PDE4B: variants seen among roughly 807,000 people sequenced by gnomAD.
PDE4B encodes phosphodiesterase 4B.
In PDE4B, 20 loss-of-function variants were observed where a neutral mutation model predicts 82.2. That is an observed-to-expected ratio of 0.24 (90% CI 0.17 to 0.35). The LOEUF is 0.35. Ranked by LOEUF, PDE4B falls within the 10% of genes least tolerant of loss-of-function variation. PDE4B has a pLI of 1.00. For synonymous variants in PDE4B, 320 were observed against 318.9 expected (o/e 1.00, Z -0.04); for missense variants, 655 against 907.2 (o/e 0.72, Z 3.57).
intron 3 of PDE4B, among the ~76,000 whole-genome samples, chr1:66,207,372 C>G (rs532864403): frequency 6.6e-6 from 1 of 152,044 alleles, no homozygotes; most frequent in Admixed American, 6.6e-5. Context: ...AACTGAACCC[C>G]AATTATTTAC....
intron 7 of PDE4B, among the ~76,000 whole-genome samples, chr1:66,301,490 G>A (rs1221974253): frequency 1.3e-5 from 2 of 151,886 alleles, no homozygotes; most frequent in African/African-American, 4.8e-5. Context: ...TTAATGACTT[G>A]CCAGGACCCT....
intron 3 of PDE4B, among the ~76,000 whole-genome samples, chr1:65,970,575 C>T (rs1458652873): frequency 1.3e-5 from 2 of 152,018 alleles, no homozygotes; most frequent in Admixed American, 6.6e-5. Flanking sequence ...GGAGTTCACA[C>T]TCAACTGGGG....
At chr1:65,819,176 A>T (rs2101232722) in intron 1 of PDE4B, among the ~76,000 whole-genome samples, 1 of 152,338 alleles carries the variant, frequency 6.6e-6, no homozygotes, top group Admixed American at 6.5e-5. Flanking sequence ...CCTGTCCTAA[A>T]TACAACAGGA....
intron 3 of PDE4B, among the ~76,000 whole-genome samples, chr1:66,183,996 G>C (rs1647127603): frequency 6.6e-6 from 1 of 152,110 alleles, no homozygotes; most frequent in African/African-American, 2.4e-5. Flanking sequence ...CGGGAGTCAA[G>C]GGACCTGCGT....
At chr1:66,217,499 C>CTCTT (rs1483736321) in intron 3 of PDE4B, among the ~76,000 whole-genome samples, 4 of 152,100 alleles carry the variant, frequency 2.6e-5, no homozygotes, top group Non-Finnish European at 5.9e-5. Flanking sequence ...GCCTGTCTGT[C>CTCTT]TCTTTTTGAT....
intron 1 of PDE4B, among the ~76,000 whole-genome samples, chr1:65,860,654 C>T (rs1024423483): frequency 2.0e-5 from 3 of 152,130 alleles, no homozygotes; most frequent in African/African-American, 7.2e-5. Flanking sequence ...CTAATTTACA[C>T]TCCCTCCAAC....
intron 3 of PDE4B, among the ~76,000 whole-genome samples, chr1:66,228,849 G>A (rs879218753): frequency 3.3e-5 from 5 of 150,052 alleles, no homozygotes; most frequent in Admixed American, 1.4e-4. Flanking sequence ...CAGAAAAAAC[G>A]AGGAAAGGGT....
chr1:66,248,001 G>T (rs528837036), intron 4 of PDE4B, among the ~76,000 whole-genome samples: 2 of 152,194 alleles, frequency 1.3e-5, no homozygotes, highest in Non-Finnish European at 2.9e-5. Context: ...AATTTCAGCT[G>T]TGTGTGCAGT....
At chr1:66,139,320 T>C (rs1646121335) in intron 3 of PDE4B, among the ~76,000 whole-genome samples, 3 of 152,238 alleles carry the variant, frequency 2.0e-5, no homozygotes, top group Non-Finnish European at 4.4e-5. Flanking sequence ...CTGAGGTCCC[T>C]GTTTTCTTGC....
At chr1:66,052,378 T>C (rs1446542910) in intron 3 of PDE4B, among the ~76,000 whole-genome samples, 1 of 152,080 alleles carries the variant, frequency 6.6e-6, no homozygotes, top group African/African-American at 2.4e-5. Flanking sequence ...CTAAGGAATT[T>C]TAAGAAAATA....
rs1655578228 is a variant in PDE4B, at chr1:66,061,440, G to A, written c.281+142605G>A. Among the ~76,000 whole-genome samples the A allele has an allele frequency of 1.3e-5, 2 of 151,742 alleles. 1 individual carries two copies. Among genetic ancestry groups the A allele is most frequent in the Non-Finnish European group, 2.9e-5 (2 of 67,952 alleles). On this transcript the variant is annotated intron_variant, in intron 3 of 16. Transcript: ENST00000341517. ...AGTAAAGACTTCTCGGTTTCATGAA[G>A]GACAGGCTGGTGAAAGGCAAAAAGA...
chr1:66,332,224 G>A (rs1402051352), intron 7 of PDE4B: 24 of 1,442,972 alleles, frequency 1.7e-5, no homozygotes, highest in Admixed American at 2.8e-5. Context: ...ATAAGAGACC[G>A]TTCCCTCCGC....
intron 1 of PDE4B, among the ~76,000 whole-genome samples, chr1:65,899,502 CA>C (rs1646947942): frequency 6.6e-6 from 1 of 151,742 alleles, no homozygotes; most frequent in African/African-American, 2.4e-5. Context: ...AGTCATTATA[CA>C]AAAAAGATAC....
chr1:65,870,116 AAT>A (rs1407595925), intron 1 of PDE4B, among the ~76,000 whole-genome samples: 1 of 152,158 alleles, frequency 6.6e-6, no homozygotes, highest in Admixed American at 6.6e-5. Flanking sequence ...TAAGATTTAA[AAT>A]ATCCAAGAGA....
At chr1:66,363,953 T>C (rs1353446885) in intron 12 of PDE4B, among the ~76,000 whole-genome samples, 1 of 152,104 alleles carries the variant, frequency 6.6e-6, no homozygotes, top group Non-Finnish European at 1.5e-5. Flanking sequence ...AATATCAGAG[T>C]AACCTTCCCT....
At chr1:65,958,209 A>T (rs897953402) in intron 3 of PDE4B, among the ~76,000 whole-genome samples, 12 of 152,102 alleles carry the variant, frequency 7.9e-5, no homozygotes, top group East Asian at 1.9e-4. Context: ...GATTTTTTTT[A>T]AATTATATTT....
At chr1:65,992,393 A>G (rs1651292424) in intron 3 of PDE4B, 1 of 152,742 alleles carries the variant, frequency 6.5e-6, no homozygotes, top group Admixed American at 6.5e-5. Flanking sequence ...ACAGAGCAAG[A>G]TAATTCTGAA....
At chr1:66,002,009 C>T (rs1651892374) in intron 3 of PDE4B, among the ~76,000 whole-genome samples, 1 of 152,166 alleles carries the variant, frequency 6.6e-6, no homozygotes, top group African/African-American at 2.4e-5. Flanking sequence ...AGGCATGAGC[C>T]ACCGTGCCTG....
At chr1:65,856,168 C>T (rs960695866) in intron 1 of PDE4B, among the ~76,000 whole-genome samples, 3 of 152,154 alleles carry the variant, frequency 2.0e-5, no homozygotes, top group African/African-American at 4.8e-5. Flanking sequence ...GGTGAACATG[C>T]AATCAATGTG....
Sources: allele counts gnomAD v4.1 joint callset (sites outside exome capture counted in the v4.1 genomes callset), GRCh38; gene constraint gnomAD v4.1.1; transcripts MANE v1.5; gene names NCBI Gene and HGNC (gene_info 2026-07-23, HGNC 2026-07-21).